The following WDR75 variants were observed in gnomAD, a reference collection of about 807,000 sequenced individuals.
WDR75 encodes the protein WD repeat domain 75.
Under a neutral mutation model 106.1 loss-of-function variants are expected in WDR75, and 52 were observed. The ratio of observed to expected loss-of-function variants is 0.49; its 90% CI spans 0.39 to 0.62. The LOEUF is 0.62. WDR75 is among the 20% of genes least tolerant of loss of function. The probability of loss-of-function intolerance (pLI) is 0.00; values close to 1 mark genes in which losing one functional copy is unlikely to be tolerated. For missense variants in WDR75, 905 were observed against 970.3 expected, an observed-to-expected ratio of 0.93 and a Z score of 0.89; for synonymous variants, 333 against 335.5, an observed-to-expected ratio of 0.99 and a Z score of 0.08.
At chr2:189,464,353 T>C (rs974287785) in intron 11 of WDR75, 3 of 182,778 alleles carry the variant, frequency 1.6e-5, no homozygotes, top group African/African-American at 7.2e-5. Context: ...TCAGTGTAGA[T>C]TAAAGAGGAA....
In WDR75 at chr2:189,449,853, A is replaced by G. The variant is rs368610484; in HGVS notation, c.217-1050A>G. 101 of 984,896 alleles carry G rather than the reference A, an allele frequency of 1.0e-4. 1 individual carries two copies. In the African/African-American group the frequency reaches 1.3e-3, roughly 12 times the overall value. 61.0% of individuals were successfully genotyped at this position (984,896 alleles called of 1,614,324 possible). On this transcript the variant is annotated intron_variant, in intron 2 of 20. Transcript: ENST00000314761. ...TTTTACATTCCTCTTCTCTGAGTCC[A>G]TGTCTCTATTTGCAGAAATCCTAAA... is the stretch of plus-strand genomic sequence containing the variant.
At chr2:189,455,651 A>C (rs541475791) in intron 5 of WDR75, 1 of 493,782 alleles carries the variant, frequency 2.0e-6, no homozygotes, top group African/African-American at 1.9e-5. Flanking sequence ...GTTCTGTCCT[A>C]TTGCCTTTGT....
intron 13 of WDR75, 140 bp from the exon 14 acceptor site, chr2:189,467,328 C>G: frequency 1.4e-6 from 1 of 740,002 alleles, no homozygotes. Flanking sequence ...CTGTACACAG[C>G]TATTTTCAGA....
At position 189,465,611 on chromosome 2, in the gene WDR75, A is replaced by G. The variant is rs868132796; in HGVS notation, c.1289+357A>G. ...AGTGTAGGTAGAAGTGTAGCATAGT[A>G]TAATGTAGCATGGATGTTGTGATTA... On this transcript the variant is annotated intron_variant, in intron 12 of 20. Transcript: ENST00000314761. Among the ~76,000 whole-genome samples, 6 of 152,022 alleles carry G rather than the reference A, an allele frequency of 3.9e-5. No homozygotes were observed. In the South Asian group the frequency reaches 6.2e-4, roughly 16 times the overall value.
chr2:189,442,931 G>A (rs964207598), intron 1 of WDR75, among the ~76,000 whole-genome samples: 2 of 152,166 alleles, frequency 1.3e-5, no homozygotes, highest in East Asian at 3.9e-4. Flanking sequence ...ACACTGTGAC[G>A]CTTCGGACTC....
At chr2:189,465,032 T>G in intron 11 of WDR75, 47 bp from the exon 12 acceptor site, 1 of 1,342,694 alleles carries the variant, frequency 7.4e-7, no homozygotes, top group Non-Finnish European at 1.0e-6. Flanking sequence ...CATTTGTGTA[T>G]TTATGTTAAT....
intron 1 of WDR75, among the ~76,000 whole-genome samples, chr2:189,445,793 T>C (rs1686487197): frequency 6.6e-6 from 1 of 152,070 alleles, no homozygotes; most frequent in Non-Finnish European, 1.5e-5. Context: ...CTAAAATTAT[T>C]TCAAAATTAA....
chr2:189,449,289 G>GCCATT, intron 2 of WDR75: 1 of 1,303,398 alleles, frequency 7.7e-7, no homozygotes, highest in Non-Finnish European at 1.0e-6. Flanking sequence ...GATTTGCATT[G>GCCATT]CCATTCACTT....
chr2:189,460,870 T>C (rs1686865487), intron 8 of WDR75, among the ~76,000 whole-genome samples: 1 of 152,220 alleles, frequency 6.6e-6, no homozygotes, highest in South Asian at 2.1e-4. Context: ...AAATAATGGT[T>C]ACAGTACATA....
Position 189,448,437 on chromosome 2 carries a change from T to C in WDR75, c.145T>C (p.Cys49Arg). 1 of 1,613,960 alleles carries C rather than the reference T, an allele frequency of 6.2e-7. No homozygotes were observed. The highest frequency in any genetic ancestry group is 1.1e-5 in the South Asian group (1 of 91,072). Reference protein sequence around the residue: ...VKVYSTVTEECVHILHGHRNL... With the variant: ...VKVYSTVTEERVHILHGHRNL... The stretch of plus-strand genomic sequence containing the variant: ...AGTTTACAGCACAGTTACAGAAGAG[T>C]GTGTACACATACTGCATGGACACAG... The change falls in exon 2 of 21, where the codon TGT becomes CGT. Residue 49 changes from cysteine (C) to arginine (R), a missense_variant. Physicochemically the swap from Cys to Arg is radical, Grantham distance 180. Coordinates refer to ENST00000314761, the MANE Select transcript of WDR75 (RefSeq NM_032168.3).
At chr2:189,445,704 T>C (rs1489851902) in intron 1 of WDR75, among the ~76,000 whole-genome samples, 2 of 152,240 alleles carry the variant, frequency 1.3e-5, no homozygotes, top group Non-Finnish European at 2.9e-5. Context: ...TTGACTAACA[T>C]GCTGTGCTTA....
chr2:189,448,235 G>T (rs1334435997), intron 1 of WDR75, 144 bp from the exon 2 acceptor site: 1 of 795,052 alleles, frequency 1.3e-6, no homozygotes. Context: ...TGTAATCTCA[G>T]CATTTTGGGA....
At chr2:189,454,295 G>C (rs1686687899) in intron 4 of WDR75, among the ~76,000 whole-genome samples, 1 of 152,072 alleles carries the variant, frequency 6.6e-6, no homozygotes, top group Admixed American at 6.5e-5. Context: ...CCCTTAAGGA[G>C]ATATTTTTTA....
chr2:189,448,534 C>G (rs762151501), intron 2 of WDR75, 26 bp downstream of exon 2: 1 of 1,603,268 alleles, frequency 6.2e-7, no homozygotes, highest in Admixed American at 1.7e-5. Context: ...TAGCTGAATA[C>G]TTTAAGACTG....
intron 9 of WDR75, 83 bp from the exon 10 acceptor site, chr2:189,463,611 A>G: frequency 7.5e-7 from 1 of 1,341,724 alleles, no homozygotes; most frequent in Non-Finnish European, 1.1e-6. Flanking sequence ...GTTAGGCTGC[A>G]TAAAAAGCCA....
At position 189,455,407 on chromosome 2, in the gene WDR75, T is replaced by C. The variant is rs570026174; in HGVS notation, c.461T>C (p.Ile154Thr). The C allele has an allele frequency of 1.2e-6, 2 of 1,614,036 alleles. No individual in the cohort carries two copies. Among genetic ancestry groups the C allele is most frequent in the South Asian group, 2.2e-5 (2 of 91,064 alleles). ...GAGCTGTCCTTTGTTTTGGATTACA[T>C]AAACCAGTCACCCAAGTGCATTGCC... The part of the protein sequence containing the change: ...AKELSFVLDY[I>T]NQSPKCIAFG... The change falls in exon 5 of 21, where the codon ATA becomes ACA. Residue 154 changes from isoleucine to threonine, a missense_variant. Physicochemically the swap from Ile to Thr is moderately conservative, Grantham distance 89. Transcript: ENST00000314761.
chr2:189,453,206 G>A (rs746263564), intron 4 of WDR75, among the ~76,000 whole-genome samples: 2 of 152,108 alleles, frequency 1.3e-5, no homozygotes, highest in African/African-American at 2.4e-5. Flanking sequence ...GTTCGGTTTC[G>A]TATGTTGAAT....
Position 189,462,470 on chromosome 2 carries a change from G to C in WDR75, c.779-14G>C, listed in dbSNP as rs747812165. ...AAAACACCATCCTTTTAATTTCCTT[G>C]AATGGATATGAAGGCACCAGTCTGC... On this transcript the variant is annotated splice_polypyrimidine_tract_variant and intron_variant, in intron 8 of 20. Coordinates refer to ENST00000314761, the MANE Select transcript of WDR75 (RefSeq NM_032168.3). 23 of 1,603,876 alleles carry C rather than the reference G, an allele frequency of 1.4e-5. No homozygotes were observed. The highest frequency in any genetic ancestry group is 5.1e-5 in the Admixed American group (3 of 58,594).
At position 189,458,734 on chromosome 2, in the gene WDR75, T is replaced by A; in HGVS notation, c.570-19T>A. The A allele has an allele frequency of 6.6e-7, 1 of 1,522,626 alleles. No individual in the cohort carries two copies. Among genetic ancestry groups the A allele is most frequent in the Non-Finnish European group, 8.8e-7 (1 of 1,132,622 alleles). The allele number at this position is 1,522,626 out of a possible 1,614,324, so 94.3% of individuals were successfully genotyped here. A position where few individuals can be genotyped will look rare whatever the true frequency, so the allele number is the denominator to read the frequency against. ...AGAGACTTTAATAATTAAGGGAATT[T>A]GTTTTTTTTTTCTCCTAGGTTTACT... On this transcript the variant is annotated intron_variant, in intron 6 of 20. Transcript: ENST00000314761.
Sources: gnomAD v4.1 joint callset for allele counts (sites outside exome capture counted in the v4.1 genomes callset) on GRCh38, gnomAD v4.1.1 for gene constraint, MANE v1.5 for transcripts, NCBI Gene and HGNC (gene_info 2026-07-23, HGNC 2026-07-21) for gene names.